DLGAP1: variants seen among roughly 807,000 people sequenced by gnomAD.
The protein encoded by DLGAP1 is disks large-associated protein 1.
A neutral mutation model predicts 90.8 loss-of-function variants in DLGAP1; 11 were observed. The ratio of observed to expected loss-of-function variants is 0.12; its 90% CI spans 0.08 to 0.20. The LOEUF (loss-of-function observed/expected upper bound fraction) is 0.20. DLGAP1 is among the 10% of genes least tolerant of loss of function. The probability of loss-of-function intolerance (pLI) is 1.00; values close to 1 mark genes in which losing one functional copy is unlikely to be tolerated. For missense variants in DLGAP1, 1,050 were observed against 1,333.8 expected, an observed-to-expected ratio of 0.79 and a Z score of 3.31; for synonymous variants, 558 against 540.7, an observed-to-expected ratio of 1.03 and a Z score of -0.44.
chr18:4,035,352 A>G (rs553462669), intron 2 of DLGAP1, among the ~76,000 whole-genome samples: 1 of 152,286 alleles, frequency 6.6e-6, no homozygotes, highest in Non-Finnish European at 1.5e-5. Context: ...GTCTCAAAAA[A>G]CAAAAACAAC....
chr18:4,090,004 C>T (rs1036664961), intron 2 of DLGAP1, among the ~76,000 whole-genome samples: 1 of 152,028 alleles, frequency 6.6e-6, no homozygotes, highest in Non-Finnish European at 1.5e-5. Context: ...AAGATCGCGC[C>T]GCTGCACTCC....
intron 9 of DLGAP1, among the ~76,000 whole-genome samples, chr18:3,546,414 CAAAA>C (rs58897010): frequency 9.8e-5 from 12 of 122,342 alleles, no homozygotes; most frequent in Non-Finnish European, 1.4e-4. Context: ...AACCTTGTCT[CAAAA>C]AAAAAAAAAA....
At chr18:3,963,814 G>C (rs1373096960) in intron 3 of DLGAP1, among the ~76,000 whole-genome samples, 2 of 152,020 alleles carry the variant, frequency 1.3e-5, no homozygotes, top group African/African-American at 4.8e-5. Context: ...TGCTGTGACA[G>C]CCACTGGCCA....
chr18:4,157,503 T>C (rs1487080731), intron 1 of DLGAP1, among the ~76,000 whole-genome samples: 1 of 152,180 alleles, frequency 6.6e-6, no homozygotes, highest in African/African-American at 2.4e-5. Flanking sequence ...CATTTGTGTA[T>C]AAGAGATTTC....
chr18:4,261,045 C>T (rs1483802625), intron 1 of DLGAP1, among the ~76,000 whole-genome samples: 1 of 152,174 alleles, frequency 6.6e-6, no homozygotes, highest in Non-Finnish European at 1.5e-5. Context: ...TCTTTTCATG[C>T]CCTGATTCTG....
chr18:4,432,445 A>G (rs1332672921), intron 1 of DLGAP1, among the ~76,000 whole-genome samples: 1 of 151,482 alleles, frequency 6.6e-6, no homozygotes, highest in Admixed American at 6.6e-5. Context: ...AAACTGTCCA[A>G]TAGCTCTAAT....
intron 1 of DLGAP1, among the ~76,000 whole-genome samples, chr18:4,348,409 T>TGC (rs1280338246): frequency 6.1e-5 from 9 of 148,526 alleles, no homozygotes; most frequent in African/African-American, 2.2e-4. Context: ...AATGTGTGTG[T>TGC]GTGTGTGTGT....
intron 4 of DLGAP1, among the ~76,000 whole-genome samples, chr18:3,843,384 G>T (rs901999560): frequency 6.6e-6 from 1 of 152,192 alleles, no homozygotes; most frequent in Admixed American, 6.5e-5. Flanking sequence ...AGCAATTGCG[G>T]ATAAAAAGCT....
intron 3 of DLGAP1, among the ~76,000 whole-genome samples, chr18:3,959,015 C>G (rs1005671264): frequency 6.6e-6 from 1 of 152,178 alleles, no homozygotes; most frequent in African/African-American, 2.4e-5. Context: ...GCTGCTTCTA[C>G]CCACCAAAAG....
chr18:4,442,379 C>T (rs55753106), intron 1 of DLGAP1, among the ~76,000 whole-genome samples: 3,439 of 152,084 alleles, frequency 0.023, 66 homozygotes, highest in African/African-American at 0.049. Flanking sequence ...ACTAAGCACT[C>T]AAAAAAATAT....
intron 7 of DLGAP1, among the ~76,000 whole-genome samples, chr18:3,685,229 A>G (rs2060655002): frequency 2.0e-5 from 3 of 152,172 alleles, no homozygotes; most frequent in South Asian, 4.1e-4. Context: ...GACATGGAGC[A>G]AGGTGTCTTT....
chr18:3,859,512 G>C (rs1373697996), intron 4 of DLGAP1, among the ~76,000 whole-genome samples: 1 of 152,138 alleles, frequency 6.6e-6, no homozygotes, highest in Non-Finnish European at 1.5e-5. Flanking sequence ...TCTTGAGATG[G>C]GGAGATTGTC....
intron 1 of DLGAP1, among the ~76,000 whole-genome samples, chr18:4,255,546 C>T (rs1029858563): frequency 6.6e-6 from 1 of 150,692 alleles, no homozygotes; most frequent in Non-Finnish European, 1.5e-5. Context: ...CAACTGTAGT[C>T]ATTAGTGACC....
rs147236340 is a variant in DLGAP1 at position 4,361,888 on chromosome 18, A to T, written c.-267+93118T>A. Among the ~76,000 whole-genome samples the T allele has an allele frequency of 2.5e-4, 38 of 152,344 alleles. No homozygotes were observed. The East Asian group carries it at 6.9e-3, about 28-fold the overall frequency. On this transcript the variant is annotated intron_variant, in intron 1 of 12. Transcript: ENST00000315677. ...AGAGAACTCCTAAAATTCAACAGCT[A>T]AAAACCAGAAGACCTAATTTAAAAG...
chr18:4,348,911 T>C (rs1182825780), intron 1 of DLGAP1, among the ~76,000 whole-genome samples: 1 of 151,948 alleles, frequency 6.6e-6, no homozygotes, highest in Non-Finnish European at 1.5e-5. Flanking sequence ...AAATTCAAAA[T>C]ACAAAAGGAA....
At chr18:4,260,349 C>T (rs1369969090) in intron 1 of DLGAP1, among the ~76,000 whole-genome samples, 1 of 152,172 alleles carries the variant, frequency 6.6e-6, no homozygotes, top group East Asian at 1.9e-4. Context: ...GTTACCTTAC[C>T]ATGCTGCTGG....
chr18:4,078,541 A>G (rs568228574), intron 2 of DLGAP1, among the ~76,000 whole-genome samples: 1 of 152,342 alleles, frequency 6.6e-6, no homozygotes, highest in East Asian at 1.9e-4. Context: ...ATTAGGCACT[A>G]GACACTTCAC....
At position 4,089,999 on chromosome 18, in the gene DLGAP1, C is replaced by T. The variant is rs373303854; in HGVS notation, c.-159+61181G>A. 3.3e-3 allele frequency among the ~76,000 whole-genome samples: 503 copies of T among 152,072 alleles called. 2 individuals carry two copies. Among genetic ancestry groups the T allele is most frequent in the African/African-American group, 0.01 (418 of 41,498 alleles). ...GGCGGAGTTTGCAGTGAGCCAAGATCGCGCCGCTGCACTCCAGCCTGGGTG... is the reference window on the plus strand; with the variant it reads ...GGCGGAGTTTGCAGTGAGCCAAGATTGCGCCGCTGCACTCCAGCCTGGGTG... On this transcript the variant is annotated intron_variant, in intron 2 of 12. Coordinates refer to ENST00000315677, the MANE Select transcript of DLGAP1 (RefSeq NM_004746.4).
chr18:4,247,055 A>G (rs757224325), intron 1 of DLGAP1, among the ~76,000 whole-genome samples: 13 of 152,036 alleles, frequency 8.6e-5, no homozygotes, highest in Admixed American at 4.6e-4. Context: ...GAATTGGAGG[A>G]GTAGTAGTAG....
Sources: allele counts gnomAD v4.1 joint callset (sites outside exome capture counted in the v4.1 genomes callset), GRCh38; gene constraint gnomAD v4.1.1; transcripts MANE v1.5; gene names NCBI Gene and HGNC (gene_info 2026-07-23, HGNC 2026-07-21).